Variants in AAK1 observed in about 807,000 individuals in gnomAD.
AAK1 encodes AP2-associated protein kinase 1.
In AAK1, 37 loss-of-function variants were observed where a neutral mutation model predicts 116.0. The ratio of observed to expected loss-of-function variants is 0.32; its 90% CI spans 0.25 to 0.42. The LOEUF is 0.42. Among genes scored for constraint, AAK1 ranks in the 10% least tolerant of loss-of-function variants. The pLI is 1.00. For synonymous variants in AAK1, 458 were observed against 439.9 expected, an observed-to-expected ratio of 1.04 and a Z score of -0.51; for missense variants, 919 against 1,170.6, an observed-to-expected ratio of 0.79 and a Z score of 3.14.
At chr2:69,600,458 C>T (rs948710009) in intron 2 of AAK1, among the ~76,000 whole-genome samples, 3 of 152,132 alleles carry the variant, frequency 2.0e-5, no homozygotes, top group African/African-American at 4.8e-5. Context: ...TTCAAGCCTT[C>T]AGCAGAGAAA....
intron 2 of AAK1, among the ~76,000 whole-genome samples, chr2:69,639,030 A>G (rs930852868): frequency 1.3e-5 from 2 of 152,194 alleles, no homozygotes; most frequent in Non-Finnish European, 2.9e-5. Context: ...TTTCACACAC[A>G]TTTTTAAGCC....
intron 2 of AAK1, among the ~76,000 whole-genome samples, chr2:69,601,197 T>C (rs1188610925): frequency 6.6e-6 from 1 of 152,232 alleles, no homozygotes; most frequent in Non-Finnish European, 1.5e-5. Context: ...AGCTAAAGTG[T>C]GCCCAAGTAT....
rs757451850 is a variant in AAK1 at position 69,509,369 on chromosome 2, G to A, written c.1868C>T (p.Ser623Leu). Residue 623 changes from serine (S) to leucine (L), a missense_variant, in exon 14 of 22, where the codon TCA becomes TTA. This residue lies in a region of AAK1 where 125 missense variants were observed against 184.1 expected (regional missense o/e 0.68). Coordinates refer to ENST00000409085, the MANE Select transcript of AAK1 (RefSeq NM_014911.5). ...CCCAGCACGTTGGGTTTTGGGGGAT[G>A]AGGGTGGAGTGAGAGATCCAACTTT... ...GQKVGSLTPP[S>L]SPKTQRAGHR... The A allele has an allele frequency of 4.3e-6, 7 of 1,614,042 alleles. No individual in the cohort carries two copies. Among genetic ancestry groups the A allele is most frequent in the South Asian group, 1.1e-5 (1 of 91,082 alleles).
intron 2 of AAK1, among the ~76,000 whole-genome samples, chr2:69,561,798 A>G (rs949464961): frequency 2.0e-5 from 3 of 151,948 alleles, no homozygotes; most frequent in Non-Finnish European, 4.4e-5. Context: ...TCTGCTTTCC[A>G]TCCCTATAGT....
chr2:69,593,390 T>C (rs1460615651), intron 2 of AAK1, among the ~76,000 whole-genome samples: 1 of 152,112 alleles, frequency 6.6e-6, no homozygotes, highest in African/African-American at 2.4e-5. Context: ...TACAAAATGG[T>C]TAAGAGGGTA....
In AAK1 at chr2:69,474,983, G is replaced by A. The variant is rs1033267041; in HGVS notation, c.*886C>T. On this transcript the variant is annotated 3_prime_UTR_variant, in exon 22 of 22. Coordinates refer to ENST00000409085, the MANE Select transcript of AAK1 (RefSeq NM_014911.5). ...CCCTCCCCATCCTCCCCCCACCCCCGCCCCAGTGAAAAGTCTTCTAATAAA... is the reference window on the plus strand; with the variant it reads ...CCCTCCCCATCCTCCCCCCACCCCCACCCCAGTGAAAAGTCTTCTAATAAA... 4.6e-5 allele frequency: 9 copies of A among 193,810 alleles called. No individual in the cohort carries two copies. In the African/African-American group the frequency reaches 5.6e-4, roughly 12 times the overall value. The allele number at this position is 193,810 out of a possible 1,614,324, so 12.0% of individuals were successfully genotyped here. A position where few individuals can be genotyped will look rare whatever the true frequency, so the allele number is the denominator to read the frequency against.
At chr2:69,589,633 C>T (rs556520462) in intron 2 of AAK1, among the ~76,000 whole-genome samples, 8 of 148,036 alleles carry the variant, frequency 5.4e-5, no homozygotes, top group South Asian at 2.2e-4. Context: ...CTCTTGAACC[C>T]GGGAGGCGGA....
intron 2 of AAK1, among the ~76,000 whole-genome samples, chr2:69,641,310 A>T (rs1424737418): frequency 1.3e-5 from 2 of 151,774 alleles, no homozygotes. Flanking sequence ...TCTCTGACAC[A>T]CTCTCCTTTT....
chr2:69,522,118 T>G (rs1669811632), intron 10 of AAK1, among the ~76,000 whole-genome samples: 1 of 152,250 alleles, frequency 6.6e-6, no homozygotes, highest in Non-Finnish European at 1.5e-5. Flanking sequence ...TCCACTCATT[T>G]ACAGTAGTCC....
At chr2:69,560,928 C>T (rs1156381850) in intron 2 of AAK1, among the ~76,000 whole-genome samples, 4 of 152,170 alleles carry the variant, frequency 2.6e-5, no homozygotes, top group South Asian at 2.1e-4. Flanking sequence ...ATATGGGAAA[C>T]GAATGTGATG....
At chr2:69,539,749 C>A (rs1670624539) in intron 5 of AAK1, among the ~76,000 whole-genome samples, 1 of 152,190 alleles carries the variant, frequency 6.6e-6, no homozygotes, top group African/African-American at 2.4e-5. Flanking sequence ...TTCCCTTCTG[C>A]AGGGAGCCCT....
rs572385141 is a variant in AAK1, at chr2:69,471,177, G to A, written c.*4692C>T. On this transcript the variant is annotated 3_prime_UTR_variant, in exon 22 of 22. Transcript: ENST00000409085. ...TACTCACAGGAAAAGAGTAAATTCAGGTCACTACATCAAAGTGTGAACCAA... is the reference window on the plus strand; with the variant it reads ...TACTCACAGGAAAAGAGTAAATTCAAGTCACTACATCAAAGTGTGAACCAA... 8 of 985,450 alleles carry A rather than the reference G, an allele frequency of 8.1e-6. No individual in the cohort carries two copies. The highest frequency in any genetic ancestry group is 5.2e-4 in the Middle Eastern group (1 of 1,914). 61.0% of individuals were successfully genotyped at this position (985,450 alleles called of 1,614,324 possible).
intron 16 of AAK1, among the ~76,000 whole-genome samples, chr2:69,501,013 TCTGGG>T: frequency 6.6e-6 from 1 of 152,078 alleles, no homozygotes; most frequent in Middle Eastern, 3.4e-3. Context: ...CGTGCCAAAT[TCTGGG>T]ACTCAGCAGC....
chr2:69,525,028 C>T lies in AAK1; in HGVS notation c.1055+5G>A, dbSNP rs1206992475. 6.2e-7 allele frequency: 1 copy of T among 1,613,628 alleles called. No individual in the cohort carries two copies. The highest frequency in any genetic ancestry group is 8.5e-7 in the Non-Finnish European group (1 of 1,179,654). ...AGGACATGTGTTCATGAAGGCATTT[C>T]TTACCTGGCCTTTGGCTGGGTCTTT... is the stretch of plus-strand genomic sequence containing the variant. On this transcript the variant is annotated splice_donor_5th_base_variant and intron_variant, in intron 10 of 21. Transcript: ENST00000409085.
chr2:69,468,686 G>C lies in AAK1; in HGVS notation c.*7183C>G. ...TCAGTTAAAACAATTTGTGCACAGA[G>C]ACTGGCAAAAAAGCAGCTATCTATT... is the stretch of plus-strand genomic sequence containing the variant. On this transcript the variant is annotated 3_prime_UTR_variant, in exon 22 of 22. Coordinates refer to ENST00000409085, the MANE Select transcript of AAK1 (RefSeq NM_014911.5). 3 of 985,414 alleles carry C rather than the reference G, an allele frequency of 3.0e-6. No homozygotes were observed. The highest frequency in any genetic ancestry group is 3.6e-6 in the Non-Finnish European group (3 of 829,930). 61.0% of individuals were successfully genotyped at this position (985,414 alleles called of 1,614,324 possible).
At chr2:69,542,110 C>T (rs1670747513) in intron 5 of AAK1, among the ~76,000 whole-genome samples, 1 of 152,066 alleles carries the variant, frequency 6.6e-6, no homozygotes, top group Admixed American at 6.5e-5. Context: ...ATATGAAAGG[C>T]ACAGTGCAAG....
At chr2:69,538,032 CCTTATCTG>C (rs1351101037) in intron 5 of AAK1, among the ~76,000 whole-genome samples, 4 of 152,220 alleles carry the variant, frequency 2.6e-5, no homozygotes, top group Non-Finnish European at 5.9e-5. Flanking sequence ...AATCAGCTCT[CCTTATCTG>C]CAGGTTTCAC....
chr2:69,599,643 T>C (rs915153005), intron 2 of AAK1, among the ~76,000 whole-genome samples: 1 of 152,232 alleles, frequency 6.6e-6, no homozygotes, highest in African/African-American at 2.4e-5. Context: ...TGTAAAGTCT[T>C]AGGTTGTTAT....
rs768040428 is a variant in AAK1 at position 69,544,579 on chromosome 2, T to C, written c.283-35A>G. 5 of 1,489,002 alleles carry C rather than the reference T, an allele frequency of 3.4e-6. No homozygotes were observed. The South Asian group carries it at 4.6e-5, about 14-fold the overall frequency. 92.2% of individuals were successfully genotyped at this position (1,489,002 alleles called of 1,614,324 possible). On this transcript the variant is annotated intron_variant, in intron 3 of 21. Coordinates refer to ENST00000409085, the MANE Select transcript of AAK1 (RefSeq NM_014911.5). Reference sequence around the variant, plus strand: ...AGAGAGGAGAAATATATTGTTAGTTTCAGATGCCAATAGGACAGAATTAGC... The same window carrying C: ...AGAGAGGAGAAATATATTGTTAGTTCCAGATGCCAATAGGACAGAATTAGC...
Sources: allele counts gnomAD v4.1 joint callset (sites outside exome capture counted in the v4.1 genomes callset), GRCh38; gene constraint gnomAD v4.1.1; regional missense constraint gnomAD v4.1.1; transcripts MANE v1.5; gene names NCBI Gene and HGNC (gene_info 2026-07-23, HGNC 2026-07-21).